The following SLC2A6 variants were observed in gnomAD, a reference collection of about 807,000 sequenced individuals.
SLC2A6 encodes solute carrier family 2, facilitated glucose transporter member 6.
SLC2A6 carries 39 observed loss-of-function variants against 47.8 expected under a neutral mutation model. The observed-to-expected ratio is 0.82, with a 90% CI of 0.63 to 1.07. The LOEUF is 1.07. Among genes scored for constraint, SLC2A6 ranks in the 50% least tolerant of loss-of-function variants. The probability of loss-of-function intolerance (pLI) is 0.00; values close to 1 mark genes in which losing one functional copy is unlikely to be tolerated. For missense variants in SLC2A6, 650 were observed against 707.6 expected, an observed-to-expected ratio of 0.92 and a Z score of 0.92; for synonymous variants, 346 against 324.1, an observed-to-expected ratio of 1.07 and a Z score of -0.73.
At chr9:133,477,997 C>A (rs902711935) in intron 2 of SLC2A6, among the ~76,000 whole-genome samples, 1 of 152,190 alleles carries the variant, frequency 6.6e-6, no homozygotes, top group Non-Finnish European at 1.5e-5. Flanking sequence ...GAAGCCTCAG[C>A]CCCACCTAGT....
At chr9:133,475,703 G>T (rs1588244310) in intron 4 of SLC2A6, 92 bp from the exon 5 acceptor site, 8 of 1,199,352 alleles carry the variant, frequency 6.7e-6, no homozygotes, top group Admixed American at 2.4e-5. Flanking sequence ...GCCCTTCAAG[G>T]TCTAGTCCAA....
At chr9:133,478,819 G>A in intron 1 of SLC2A6, 149 bp downstream of exon 1, 4 of 664,418 alleles carry the variant, frequency 6.0e-6, no homozygotes, top group Non-Finnish European at 7.5e-6. Flanking sequence ...CCTTAAATAG[G>A]AGTAGCGTGT....
chr9:133,477,362 G>T, intron 2 of SLC2A6, 121 bp from the exon 3 acceptor site: 1 of 925,766 alleles, frequency 1.1e-6, no homozygotes, highest in Non-Finnish European at 1.6e-6. Context: ...ACTTGGCCAA[G>T]TCAAGCACTT....
In SLC2A6 at chr9:133,476,986, C is replaced by A. The variant is rs943779513; in HGVS notation, c.462+49G>T. On this transcript the variant is annotated intron_variant, in intron 3 of 9. Transcript: ENST00000371899. Reference sequence around the variant, plus strand: ...AGGCCTTAGTCAGATGGAGGCTCAGCACCAATACAGAGGCATTGGGGCGCC... The same window carrying A: ...AGGCCTTAGTCAGATGGAGGCTCAGAACCAATACAGAGGCATTGGGGCGCC... 4 of 1,531,706 alleles carry A rather than the reference C, an allele frequency of 2.6e-6. No individual in the cohort carries two copies. The African/African-American group carries it at 4.1e-5, about 16-fold the overall frequency. The allele number at this position is 1,531,706 out of a possible 1,614,324, so 94.9% of individuals were successfully genotyped here.
chr9:133,473,007 G>T, intron 9 of SLC2A6, 98 bp downstream of exon 9: 2 of 1,324,898 alleles, frequency 1.5e-6, no homozygotes, highest in Admixed American at 2.6e-5. Context: ...GAGAGTTAGG[G>T]TCCTGACAGC....
chr9:133,474,030 G>A lies in SLC2A6; in HGVS notation c.986C>T (p.Ala329Val). 1 of 1,611,114 alleles carries A rather than the reference G, an allele frequency of 6.2e-7. No individual in the cohort carries two copies. Among genetic ancestry groups the A allele is most frequent in the Non-Finnish European group, 8.5e-7 (1 of 1,179,154 alleles). The change falls in exon 7 of 10, where the codon GCC becomes GTC. Residue 329 changes from alanine to valine, a missense_variant. Ala to Val is a moderately conservative substitution (Grantham distance 64). Transcript: ENST00000371899. Reference sequence around the variant, plus strand: ...GCCTGCGAGGTCCATGGTGAGGGCGGCGATCAGCACGGACAGGAGCCGCAC... The same window carrying A: ...GCCTGCGAGGTCCATGGTGAGGGCGACGATCAGCACGGACAGGAGCCGCAC... Reference protein sequence around the residue: ...GAVRLLSVLIAALTMDLAGRK... With the variant: ...GAVRLLSVLIVALTMDLAGRK...
rs1843799496 is a variant in SLC2A6 at position 133,473,194 on chromosome 9, G to GGGGCAGGACCTCAGACATGAGC, written c.1257_1278dup (p.Leu427AlafsTer4). On this transcript the variant is annotated stop_gained and frameshift_variant, in exon 9 of 10. Coordinates refer to ENST00000371899, the MANE Select transcript of SLC2A6 (RefSeq NM_017585.4). LOFTEE classifies it high-confidence loss of function. The stretch of plus-strand genomic sequence containing the variant: ...CCTGAGGCCACGCCACGGGCACGCA[G>GGGGCAGGACCTCAGACATGAGC]GGGCAGGACCTCAGACATGAGCAGC... The GGGGCAGGACCTCAGACATGAGC allele has an allele frequency of 1.4e-5, 23 of 1,606,208 alleles. No individual in the cohort carries two copies. The highest frequency in any genetic ancestry group is 1.9e-5 in the Non-Finnish European group (22 of 1,177,146).
intron 7 of SLC2A6, 45 bp downstream of exon 7, chr9:133,473,935 C>T (rs782117629): frequency 1.6e-5 from 24 of 1,467,858 alleles, no homozygotes; most frequent in Non-Finnish European, 2.1e-5. Flanking sequence ...CAGCCCTGAC[C>T]CATGCGGAGG....
At chr9:133,477,548 C>T (rs1479961574) in intron 2 of SLC2A6, among the ~76,000 whole-genome samples, 1 of 152,202 alleles carries the variant, frequency 6.6e-6, no homozygotes, top group Non-Finnish European at 1.5e-5. Context: ...AGGTACTGGG[C>T]TTTAAGATTT....
intron 2 of SLC2A6, among the ~76,000 whole-genome samples, chr9:133,477,725 A>G (rs1451889021): frequency 1.3e-5 from 2 of 152,214 alleles, no homozygotes; most frequent in African/African-American, 2.4e-5. Flanking sequence ...CTGAGAATCA[A>G]TGAACGTTCA....
In SLC2A6 at chr9:133,476,285, T is replaced by C. The variant is rs147872568; in HGVS notation, c.514A>G (p.Thr172Ala). ...CCGAACACTGCCATGAGCTGGGGTG[T>C]GGCCCCCAGAGCCCCACGAACGCCT... The part of the protein sequence containing the change: ...PPGVRGALGA[T>A]PQLMAVFGSL... Residue 172 changes from threonine to alanine, a missense_variant, in exon 4 of 10, where the codon ACA becomes GCA. Transcript: ENST00000371899. 763 of 1,612,932 alleles carry C rather than the reference T, an allele frequency of 4.7e-4. 4 individuals are homozygous for C. Among genetic ancestry groups the C allele is most frequent in the South Asian group, 2.7e-3 (247 of 91,068 alleles).
In SLC2A6 at chr9:133,473,698, C is replaced by G. The variant is rs587600128; in HGVS notation, c.1037-98G>C. The G allele has an allele frequency of 2.0e-4, 256 of 1,265,912 alleles. No individual in the cohort carries two copies. In the East Asian group the frequency reaches 3.1e-3, roughly 15 times the overall value. The allele number at this position is 1,265,912 out of a possible 1,614,324, so 78.4% of individuals were successfully genotyped here. ...AGAGCCCCTTGATACTTGCGTGGTCCAGCTCGTGTCTGGGACTAGAGACCC... is the reference window on the plus strand; with the variant it reads ...AGAGCCCCTTGATACTTGCGTGGTCGAGCTCGTGTCTGGGACTAGAGACCC... On this transcript the variant is annotated intron_variant, in intron 7 of 9. Transcript: ENST00000371899.
chr9:133,478,501 C>G, intron 1 of SLC2A6, 85 bp from the exon 2 acceptor site: 1 of 1,515,350 alleles, frequency 6.6e-7, no homozygotes, highest in Non-Finnish European at 9.0e-7. Context: ...AGTGGCTGCC[C>G]GGCTCAGCGG....
At chr9:133,472,354 G>A (rs73550875) in intron 9 of SLC2A6, among the ~76,000 whole-genome samples, 178 bp from the exon 10 acceptor site, 1 of 151,676 alleles carries the variant, frequency 6.6e-6, no homozygotes. Context: ...GGACAAATCC[G>A]AAGTAGCCCT....
intron 5 of SLC2A6, 28 bp from the exon 6 acceptor site, chr9:133,475,141 G>A (rs782363525): frequency 1.5e-5 from 22 of 1,508,550 alleles, no homozygotes; most frequent in Middle Eastern, 2.2e-4. Context: ...CGCTGAGGGC[G>A]TTGGGCCAGC....
intron 5 of SLC2A6, 52 bp downstream of exon 5, chr9:133,475,348 G>C: frequency 6.6e-7 from 1 of 1,521,106 alleles, no homozygotes; most frequent in Non-Finnish European, 8.8e-7. Flanking sequence ...GCCACACACA[G>C]CTGAAGTGCT....
At chr9:133,478,795 TA>T (rs1844061885) in intron 1 of SLC2A6, 172 bp downstream of exon 1, 6 of 618,646 alleles carry the variant, frequency 9.7e-6, no homozygotes, top group Non-Finnish European at 1.7e-5. Flanking sequence ...TTCCTTCCCT[TA>T]GGGGGACCAG....
chr9:133,475,624 G>T lies in SLC2A6; in HGVS notation c.563-13C>A. ...GGCAGCAGGAGGCCTGGGGGCGAGG[G>T]GTGGGTGAGGGGCCAGGTCCAGGCC... On this transcript the variant is annotated splice_polypyrimidine_tract_variant and intron_variant, in intron 4 of 9. Transcript: ENST00000371899. The T allele has an allele frequency of 6.4e-7, 1 of 1,567,220 alleles. No individual in the cohort carries two copies. The highest frequency in any genetic ancestry group is 2.3e-5 in the East Asian group (1 of 43,246).
intron 2 of SLC2A6, 60 bp downstream of exon 2, chr9:133,478,194 G>A: frequency 6.3e-7 from 1 of 1,580,630 alleles, no homozygotes; most frequent in South Asian, 1.1e-5. Flanking sequence ...CCTAGCTGGA[G>A]ATAAGGCTCA....
Sources: allele counts gnomAD v4.1 joint callset (sites outside exome capture counted in the v4.1 genomes callset), GRCh38; gene constraint gnomAD v4.1.1; transcripts MANE v1.5; gene names NCBI Gene and HGNC (gene_info 2026-07-23, HGNC 2026-07-21).